Variants in DNAJB11 observed in about 807,000 individuals in gnomAD.
DNAJB11 encodes the protein DnaJ heat shock protein family (Hsp40) member B11, also known as dnaJ homolog subfamily B member 11.
In DNAJB11, 30 loss-of-function variants were observed where a neutral mutation model predicts 47.2. The observed-to-expected ratio is 0.64, with a 90% CI of 0.48 to 0.86. The LOEUF (loss-of-function observed/expected upper bound fraction) is 0.86, where lower values mean the gene tolerates loss of function less well. Ranked by LOEUF, DNAJB11 falls within the 40% of genes least tolerant of loss-of-function variation. The probability of loss-of-function intolerance (pLI) is 0.00; values close to 1 mark genes in which losing one functional copy is unlikely to be tolerated. For missense variants in DNAJB11, 357 were observed against 440.2 expected (o/e 0.81, Z 1.69); for synonymous variants, 151 against 159.9 (o/e 0.94, Z 0.42).
intron 4 of DNAJB11, chr3:186,579,029 C>G (rs1430607994): frequency 6.6e-6 from 1 of 152,184 alleles, no homozygotes; most frequent in Non-Finnish European, 1.5e-5. Flanking sequence ...CTATCATGTC[C>G]TGTGATTGCA....
chr3:186,576,071 T>C (rs1230315045), intron 3 of DNAJB11, 134 bp downstream of exon 3: 2 of 612,710 alleles, frequency 3.3e-6, no homozygotes, highest in Non-Finnish European at 5.7e-6. Context: ...GATCAATTAT[T>C]GTCCTCCCTG....
chr3:186,572,243 G>T lies in DNAJB11; in HGVS notation c.217G>T (p.Ala73Ser). 6.2e-7 allele frequency: 1 copy of T among 1,603,032 alleles called. No homozygotes were observed. Among genetic ancestry groups the T allele is most frequent in the Non-Finnish European group, 8.5e-7 (1 of 1,177,194 alleles). The change falls in exon 2 of 10, where the codon GCT (alanine) becomes TCT (serine). Residue 73 changes from alanine to serine, a missense_variant. By Grantham distance (99) the Ala-to-Ser change is moderately conservative. Transcript: ENST00000265028. ...GGAGAAATTCCAGGATCTGGGTGCT[G>T]CTTATGAGGTGAGTTGGGAAAAGTG... ...AQEKFQDLGAAYEVLSDSEKR... is the reference protein window; with the variant it reads ...AQEKFQDLGASYEVLSDSEKR...
chr3:186,584,394 C>A (rs114566702), intron 8 of DNAJB11, 36 bp from the exon 9 acceptor site: 2 of 1,507,228 alleles, frequency 1.3e-6, no homozygotes, highest in African/African-American at 2.8e-5. Flanking sequence ...TCAGATGTAC[C>A]GCTCCTGCTG....
chr3:186,582,878 C>T (rs1371140640), intron 7 of DNAJB11, 105 bp downstream of exon 7: 2 of 830,450 alleles, frequency 2.4e-6, no homozygotes, highest in Non-Finnish European at 4.0e-6. Context: ...ACCCTTATTA[C>T]CCTAAACGAT....
intron 9 of DNAJB11, 122 bp downstream of exon 9, chr3:186,584,711 C>G: frequency 2.0e-6 from 2 of 1,017,062 alleles, no homozygotes; most frequent in South Asian, 2.1e-5. Context: ...ATCATTAATG[C>G]TAGTAGAACA....
intron 2 of DNAJB11, among the ~76,000 whole-genome samples, chr3:186,575,393 C>G (rs9841143): frequency 0.25 from 34,230 of 139,158 alleles, 4,736 homozygotes; most frequent in African/African-American, 0.42. Context: ...GTGTGTGTGT[C>G]TGTGTGTGTG....
chr3:186,582,595 C>A (rs998414079), intron 6 of DNAJB11, 121 bp from the exon 7 acceptor site: 5 of 751,408 alleles, frequency 6.7e-6, no homozygotes, highest in Non-Finnish European at 9.2e-6. Flanking sequence ...GAGACACTGC[C>A]GTCACAGATT....
intron 9 of DNAJB11, 149 bp from the exon 10 acceptor site, chr3:186,585,195 T>G (rs1715642625): frequency 1.8e-6 from 1 of 570,186 alleles, no homozygotes; most frequent in South Asian, 2.1e-5. Context: ...GTTACCTACA[T>G]GCAATTACGT....
intron 4 of DNAJB11, 74 bp from the exon 5 acceptor site, chr3:186,581,297 A>C: frequency 6.4e-7 from 1 of 1,551,168 alleles, no homozygotes; most frequent in Non-Finnish European, 8.8e-7. Flanking sequence ...ATATGTGCAG[A>C]GCCTTGATCA....
chr3:186,576,780 A>G (rs1377820559), intron 3 of DNAJB11, among the ~76,000 whole-genome samples: 1 of 152,166 alleles, frequency 6.6e-6, no homozygotes, highest in African/African-American at 2.4e-5. Flanking sequence ...GCCAGGATCA[A>G]TTTGGCTGGC....
intron 1 of DNAJB11, 113 bp downstream of exon 1, chr3:186,571,078 C>T: frequency 9.9e-7 from 1 of 1,015,044 alleles, no homozygotes; most frequent in Non-Finnish European, 1.4e-6. Flanking sequence ...AGGGGCATCG[C>T]TGTGGGTTGG....
At chr3:186,581,619 CT>C in intron 5 of DNAJB11, 106 bp downstream of exon 5, 1 of 1,251,736 alleles carries the variant, frequency 8.0e-7, no homozygotes, top group Non-Finnish European at 1.1e-6. Context: ...CCCCTCCCCA[CT>C]GCCATGTTCT....
At chr3:186,584,021 A>G (rs769929074) in intron 8 of DNAJB11, 45 bp downstream of exon 8, 2 of 1,394,616 alleles carry the variant, frequency 1.4e-6, no homozygotes, top group Non-Finnish European at 2.0e-6. Context: ...TGAAGCCTTT[A>G]TGTGGGTAGT....
At chr3:186,583,249 G>C (rs1338198547) in intron 7 of DNAJB11, among the ~76,000 whole-genome samples, 1 of 152,154 alleles carries the variant, frequency 6.6e-6, no homozygotes, top group East Asian at 1.9e-4. Context: ...TTACCACTTT[G>C]GAAACCAGTA....
intron 2 of DNAJB11, among the ~76,000 whole-genome samples, chr3:186,574,167 A>G (rs1053445313): frequency 7.2e-5 from 11 of 152,232 alleles, no homozygotes; most frequent in Admixed American, 5.9e-4. Flanking sequence ...GAATCTGTGT[A>G]TTGGTTGGCC....
intron 2 of DNAJB11, 69 bp from the exon 3 acceptor site, chr3:186,575,771 A>T: frequency 8.0e-7 from 1 of 1,253,910 alleles, no homozygotes; most frequent in Non-Finnish European, 1.2e-6. Flanking sequence ...AAACAAACAT[A>T]AATATGACTG....
intron 9 of DNAJB11, 139 bp from the exon 10 acceptor site, chr3:186,585,205 T>G: frequency 1.7e-6 from 1 of 592,606 alleles, no homozygotes; most frequent in East Asian, 3.1e-5. Context: ...TGCAATTACG[T>G]TGGAGATTGG....
At chr3:186,571,313 G>C (rs958440094) in intron 1 of DNAJB11, among the ~76,000 whole-genome samples, 2 of 152,202 alleles carry the variant, frequency 1.3e-5, no homozygotes, top group African/African-American at 4.8e-5. Flanking sequence ...GAAGAAAGAG[G>C]GATGCCTGAC....
intron 4 of DNAJB11, chr3:186,579,019 C>T (rs1394045282): frequency 6.6e-6 from 1 of 152,190 alleles, no homozygotes; most frequent in Non-Finnish European, 1.5e-5. Context: ...GAGTTTGAGG[C>T]TATCATGTCC....
Sources: gnomAD v4.1 joint callset for allele counts (sites outside exome capture counted in the v4.1 genomes callset) on GRCh38, gnomAD v4.1.1 for gene constraint, MANE v1.5 for transcripts, NCBI Gene and HGNC (gene_info 2026-07-23, HGNC 2026-07-21) for gene names.